The following FOXP1 variants were observed in gnomAD, a reference collection of about 807,000 sequenced individuals.
The protein encoded by FOXP1 is forkhead box P1.
In FOXP1, 15 loss-of-function variants were observed where a neutral mutation model predicts 98.2. The ratio of observed to expected loss-of-function variants is 0.15; its 90% CI spans 0.10 to 0.24. FOXP1 has a LOEUF of 0.24. Among genes scored for constraint, FOXP1 ranks in the 10% least tolerant of loss-of-function variants. FOXP1 has a pLI of 1.00. For missense variants in FOXP1, 633 were observed against 848.5 expected, an observed-to-expected ratio of 0.75 and a Z score of 3.15; for synonymous variants, 371 against 314.5, an observed-to-expected ratio of 1.18 and a Z score of -1.90.
chr3:71,419,744 T>C (rs1359207534), intron 3 of FOXP1, among the ~76,000 whole-genome samples: 1 of 152,190 alleles, frequency 6.6e-6, no homozygotes, highest in Non-Finnish European at 1.5e-5. Flanking sequence ...TGGATGAGCA[T>C]ATACACATAC....
chr3:71,551,185 AT>A (rs1449286030), intron 2 of FOXP1, among the ~76,000 whole-genome samples: 8 of 152,112 alleles, frequency 5.3e-5, no homozygotes, highest in Admixed American at 5.2e-4. Context: ...GTAAATACAA[AT>A]TTTTCCAAAG....
chr3:71,471,413 G>A (rs375765041), intron 3 of FOXP1, among the ~76,000 whole-genome samples: 1 of 152,158 alleles, frequency 6.6e-6, no homozygotes, highest in African/African-American at 2.4e-5. Flanking sequence ...GGGAATATTA[G>A]GTCACACTTT....
chr3:71,369,550 A>C (rs550771856), intron 3 of FOXP1, among the ~76,000 whole-genome samples: 1 of 152,270 alleles, frequency 6.6e-6, no homozygotes, highest in African/African-American at 2.4e-5. Context: ...ATGCACCACC[A>C]TGCCCAGCTA....
intron 3 of FOXP1, among the ~76,000 whole-genome samples, chr3:71,431,632 T>C (rs1560476218): frequency 6.6e-6 from 1 of 152,210 alleles, no homozygotes; most frequent in African/African-American, 2.4e-5. Flanking sequence ...CTGGTTTGAA[T>C]ACTTACTACA....
chr3:71,493,175 G>A (rs769675575), intron 3 of FOXP1, among the ~76,000 whole-genome samples: 1 of 152,114 alleles, frequency 6.6e-6, no homozygotes, highest in Non-Finnish European at 1.5e-5. Flanking sequence ...CCAAAACTGA[G>A]ATAGTCCATC....
intron 3 of FOXP1, among the ~76,000 whole-genome samples, chr3:71,464,486 C>G (rs770128200): frequency 2.1e-4 from 32 of 152,136 alleles, no homozygotes; most frequent in Non-Finnish European, 1.2e-4. Flanking sequence ...AATCAGAGGC[C>G]AAGTTACTAC....
chr3:71,546,317 T>C (rs938350683), intron 2 of FOXP1, among the ~76,000 whole-genome samples: 2 of 152,210 alleles, frequency 1.3e-5, no homozygotes, highest in African/African-American at 4.8e-5. Context: ...GAAATACACC[T>C]GGCTAATCTT....
intron 2 of FOXP1, among the ~76,000 whole-genome samples, chr3:71,518,122 GTTTT>G (rs201435436): frequency 6.6e-6 from 1 of 150,842 alleles, no homozygotes; most frequent in African/African-American, 2.4e-5. Flanking sequence ...ATTTGACAGT[GTTTT>G]TTTTTGTTTT....
chr3:71,580,162 T>C (rs2107878501), intron 2 of FOXP1, among the ~76,000 whole-genome samples: 1 of 138,664 alleles, frequency 7.2e-6, no homozygotes, highest in South Asian at 2.3e-4. Context: ...GGCTGTTTAC[T>C]TTACTTTTCC....
intron 4 of FOXP1, chr3:71,334,780 C>T (rs2076568524): frequency 6.6e-6 from 1 of 152,056 alleles, no homozygotes. Context: ...TGAGCCTTTT[C>T]CAAAAAATCT....
At chr3:71,426,618 G>A (rs759801833) in intron 3 of FOXP1, among the ~76,000 whole-genome samples, 1 of 152,070 alleles carries the variant, frequency 6.6e-6, no homozygotes. Context: ...TTCCACACAC[G>A]CTCATCCCAC....
chr3:71,230,208 G>T (rs1454435715), intron 5 of FOXP1, among the ~76,000 whole-genome samples: 3 of 152,210 alleles, frequency 2.0e-5, no homozygotes, highest in Non-Finnish European at 4.4e-5. Context: ...CGGCTGTGAA[G>T]TGTTCAGAGA....
chr3:71,001,176 T>A, intron 12 of FOXP1, 117 bp from the exon 13 acceptor site: 2 of 745,400 alleles, frequency 2.7e-6, no homozygotes, highest in South Asian at 2.9e-5. Context: ...GAGATAGTAG[T>A]CCAGGGGGTG....
chr3:71,337,032 A>G (rs975477701), intron 4 of FOXP1, among the ~76,000 whole-genome samples: 1 of 152,244 alleles, frequency 6.6e-6, no homozygotes, highest in African/African-American at 2.4e-5. Context: ...AACTTAAAAG[A>G]CATATCAAAC....
chr3:71,213,164 AG>A (rs1385738554), intron 5 of FOXP1, among the ~76,000 whole-genome samples: 2 of 152,190 alleles, frequency 1.3e-5, no homozygotes, highest in African/African-American at 4.8e-5. Flanking sequence ...TAATGTAAAA[AG>A]AAAGATGTGG....
intron 12 of FOXP1, among the ~76,000 whole-genome samples, chr3:71,002,568 G>GT (rs1307347919): frequency 2.0e-5 from 3 of 152,176 alleles, no homozygotes; most frequent in Admixed American, 1.3e-4. Flanking sequence ...GAAGCATGTT[G>GT]TAATTGAGAA....
intron 3 of FOXP1, among the ~76,000 whole-genome samples, chr3:71,467,265 C>T (rs1280521525): frequency 2.6e-5 from 4 of 152,218 alleles, no homozygotes; most frequent in African/African-American, 7.2e-5. Flanking sequence ...ATACCAGTAA[C>T]GTTCAGAGGA....
intron 6 of FOXP1, among the ~76,000 whole-genome samples, chr3:71,171,123 A>AT (rs754394377): frequency 9.3e-5 from 14 of 150,496 alleles, no homozygotes; most frequent in Non-Finnish European, 2.1e-4. Flanking sequence ...AATTTAAATA[A>AT]TTTTTTGGCT....
At chr3:71,533,153 C>G (rs1375143633) in intron 2 of FOXP1, among the ~76,000 whole-genome samples, 1 of 152,130 alleles carries the variant, frequency 6.6e-6, no homozygotes, top group Non-Finnish European at 1.5e-5. Flanking sequence ...CCACATAACT[C>G]CAACATTTCA....
Sources: allele counts gnomAD v4.1 joint callset (sites outside exome capture counted in the v4.1 genomes callset), GRCh38; gene constraint gnomAD v4.1.1; transcripts MANE v1.5; gene names NCBI Gene and HGNC (gene_info 2026-07-23, HGNC 2026-07-21).